MGAT5: variants seen among roughly 807,000 people sequenced by gnomAD.
The protein encoded by MGAT5 is alpha-1,6-mannosylglycoprotein 6-beta-N-acetylglucosaminyltransferase A.
Under a neutral mutation model 94.3 loss-of-function variants are expected in MGAT5, and 30 were observed. The ratio of observed to expected loss-of-function variants is 0.32; its 90% CI spans 0.24 to 0.43. The LOEUF is 0.43. Among genes scored for constraint, MGAT5 ranks in the 20% least tolerant of loss-of-function variants. The pLI is 1.00. For missense variants in MGAT5, 691 were observed against 905.5 expected (o/e 0.76, Z 3.04); for synonymous variants, 310 against 322.9 (o/e 0.96, Z 0.43).
At chr2:134,395,305 G>C (rs999933253) in intron 10 of MGAT5, among the ~76,000 whole-genome samples, 2 of 152,206 alleles carry the variant, frequency 1.3e-5, no homozygotes, top group Non-Finnish European at 2.9e-5. Flanking sequence ...GTTCCCCAGG[G>C]TCCTTTAAGA....
intron 1 of MGAT5, among the ~76,000 whole-genome samples, chr2:134,256,594 G>A (rs143989141): frequency 5.3e-5 from 8 of 152,222 alleles, no homozygotes; most frequent in African/African-American, 1.9e-4. Flanking sequence ...CAATAATTTG[G>A]TCTTAGCTTT....
At chr2:134,378,326 A>G (rs1392914065) in intron 10 of MGAT5, among the ~76,000 whole-genome samples, 1 of 152,200 alleles carries the variant, frequency 6.6e-6, no homozygotes, top group Non-Finnish European at 1.5e-5. Flanking sequence ...TGGGAGGCAG[A>G]GCCCATAGCA....
Position 134,242,977 on chromosome 2 carries a change from A to G in MGAT5, c.-142-11285A>G, listed in dbSNP as rs565397403. Among the ~76,000 whole-genome samples the G allele has an allele frequency of 1.5e-4, 23 of 151,876 alleles. No individual in the cohort carries two copies. The South Asian group carries it at 4.0e-3, about 26-fold the overall frequency. On this transcript the variant is annotated intron_variant, in intron 1 of 16. Coordinates refer to the MGAT5 transcript ENST00000409645. Reference sequence around the variant, plus strand: ...ACCAGTTTGTGATTCCTTTAAGGAGAAAACAAGCCTACCTTGGCAGATGAA... The same window carrying G: ...ACCAGTTTGTGATTCCTTTAAGGAGGAAACAAGCCTACCTTGGCAGATGAA...
At chr2:134,292,696 GT>G (rs1685447081) in intron 2 of MGAT5, among the ~76,000 whole-genome samples, 1 of 152,124 alleles carries the variant, frequency 6.6e-6, no homozygotes, top group Non-Finnish European at 1.5e-5. Flanking sequence ...TGTTTTTCCT[GT>G]TAGGATCTAC....
At chr2:134,328,227 C>G (rs1160191028) in intron 4 of MGAT5, among the ~76,000 whole-genome samples, 2 of 152,056 alleles carry the variant, frequency 1.3e-5, no homozygotes, top group Non-Finnish European at 2.9e-5. Context: ...CTGCACCCCC[C>G]CTCACCCCTG....
At chr2:134,333,145 A>T (rs975971835) in intron 4 of MGAT5, among the ~76,000 whole-genome samples, 6 of 151,920 alleles carry the variant, frequency 3.9e-5, no homozygotes, top group Admixed American at 3.3e-4. Context: ...GTATGTTTAT[A>T]GCGGCACTAT....
chr2:134,230,309 C>T (rs1681297344), intron 1 of MGAT5, among the ~76,000 whole-genome samples: 1 of 152,184 alleles, frequency 6.6e-6, no homozygotes, highest in African/African-American at 2.4e-5. Flanking sequence ...CACTTGCTGG[C>T]TGCTTGCCTC....
At chr2:134,316,225 G>A (rs769328747) in intron 2 of MGAT5, among the ~76,000 whole-genome samples, 21 of 152,112 alleles carry the variant, frequency 1.4e-4, no homozygotes, top group Non-Finnish European at 1.6e-4. Flanking sequence ...TTATTCTGCC[G>A]TGTTCTTAGG....
At chr2:134,269,726 A>G (rs188242645) in intron 1 of MGAT5, among the ~76,000 whole-genome samples, 11 of 152,340 alleles carry the variant, frequency 7.2e-5, no homozygotes, top group Non-Finnish European at 1.5e-5. Context: ...CAACTCTTAA[A>G]TGTAAGAACG....
At chr2:134,121,590 G>A (rs1321673132) in intron 1 of MGAT5, among the ~76,000 whole-genome samples, 2 of 152,188 alleles carry the variant, frequency 1.3e-5, no homozygotes, top group Admixed American at 1.3e-4. Context: ...GGCCCCGGGC[G>A]GCCGCCGCTA....
chr2:134,356,861 A>G (rs1022686698), intron 9 of MGAT5, among the ~76,000 whole-genome samples: 5 of 152,084 alleles, frequency 3.3e-5, no homozygotes, highest in African/African-American at 9.7e-5. Flanking sequence ...TAATTCAAAT[A>G]TCATTTCAGT....
chr2:134,323,070 G>A (rs1238244512), intron 4 of MGAT5, among the ~76,000 whole-genome samples: 1 of 152,106 alleles, frequency 6.6e-6, no homozygotes, highest in Non-Finnish European at 1.5e-5. Context: ...TTCTTTCTTA[G>A]GGTTGTCTCA....
At chr2:134,422,607 C>T (rs1270988878) in intron 12 of MGAT5, among the ~76,000 whole-genome samples, 196 bp from the exon 13 acceptor site, 1 of 152,108 alleles carries the variant, frequency 6.6e-6, no homozygotes, top group East Asian at 1.9e-4. Flanking sequence ...TATCTTATTT[C>T]CAAGTGGGAT....
intron 1 of MGAT5, among the ~76,000 whole-genome samples, chr2:134,234,935 T>G (rs1681555615): frequency 6.6e-6 from 1 of 152,192 alleles, no homozygotes; most frequent in Admixed American, 6.5e-5. Context: ...CTTCAAGTGC[T>G]TAGGGTGGTG....
intron 1 of MGAT5, among the ~76,000 whole-genome samples, chr2:134,137,972 G>T (rs1686492636): frequency 6.8e-6 from 1 of 147,880 alleles, no homozygotes. Flanking sequence ...GTTCAAGATT[G>T]TTGGCACAAT....
At chr2:134,341,833 A>G (rs1688649837) in intron 7 of MGAT5, 74 bp downstream of exon 7, 1 of 1,298,416 alleles carries the variant, frequency 7.7e-7, no homozygotes, top group Admixed American at 2.5e-5. Flanking sequence ...TATTACCTCT[A>G]TTAGTGTATA....
chr2:134,202,605 G>T (rs527479334), intron 1 of MGAT5, among the ~76,000 whole-genome samples: 1 of 152,344 alleles, frequency 6.6e-6, no homozygotes, highest in Non-Finnish European at 1.5e-5. Flanking sequence ...TCAGCCTCTG[G>T]CTGCCAGCCT....
chr2:134,437,802 G>C (rs59588536), intron 14 of MGAT5, among the ~76,000 whole-genome samples: 12,520 of 152,136 alleles, frequency 0.082, 839 homozygotes, highest in African/African-American at 0.18. Context: ...ATCCCCTGAG[G>C]CTAGGAGTTC....
At chr2:134,235,526 T>C (rs1447026184) in intron 1 of MGAT5, among the ~76,000 whole-genome samples, 1 of 151,942 alleles carries the variant, frequency 6.6e-6, no homozygotes, top group Admixed American at 6.6e-5. Flanking sequence ...TTGAGGAAAA[T>C]AACCTAACCC....
Sources: gnomAD v4.1 joint callset for allele counts (sites outside exome capture counted in the v4.1 genomes callset) on GRCh38, gnomAD v4.1.1 for gene constraint, MANE v1.5 for transcripts, NCBI Gene and HGNC (gene_info 2026-07-23, HGNC 2026-07-21) for gene names.